GLRA3: variants seen among roughly 807,000 people sequenced by gnomAD.
The protein encoded by GLRA3 is glycine receptor alpha 3.
A neutral mutation model predicts 60.4 loss-of-function variants in GLRA3; 44 were observed. That is an observed-to-expected ratio of 0.73 (90% CI 0.57 to 0.94). GLRA3 has a LOEUF of 0.94. Ranked by LOEUF, GLRA3 falls within the 40% of genes least tolerant of loss-of-function variation. The pLI, the probability that GLRA3 is intolerant of heterozygous loss-of-function variation, is 0.00. For synonymous variants in GLRA3, 223 were observed against 192.9 expected, an observed-to-expected ratio of 1.16 and a Z score of -1.29; for missense variants, 508 against 564.6, an observed-to-expected ratio of 0.90 and a Z score of 1.02.
intron 3 of GLRA3, among the ~76,000 whole-genome samples, chr4:174,730,831 T>C (rs1736520935): frequency 6.6e-6 from 1 of 152,178 alleles, no homozygotes; most frequent in Admixed American, 6.5e-5. Flanking sequence ...TCTTAATACA[T>C]TTAGTTTAGG....
chr4:174,801,337 A>G (rs970364804), intron 1 of GLRA3, among the ~76,000 whole-genome samples: 9 of 152,084 alleles, frequency 5.9e-5, no homozygotes, highest in Non-Finnish European at 8.8e-5. Context: ...AGTTTCAGAC[A>G]TAGTATAGAT....
rs1256854406 is a variant in GLRA3, at chr4:174,656,746, A to G, written c.1113T>C (p.Asp371=). 6.4e-7 allele frequency: 1 copy of G among 1,552,068 alleles called. No homozygotes were observed. Among genetic ancestry groups the G allele is most frequent in the Non-Finnish European group, 8.9e-7 (1 of 1,123,834 alleles). ...AGAGTTAAGAAAGTCAATTTACCAT[A>G]TCTGAGAAACGGTAAAACTTCTCCA... ...FALEKFYRFS[D]MDDEVRESRF... The change falls in exon 9 of 10, where the codon GAT becomes GAC. Residue 371 remains aspartate, a synonymous_variant. Coordinates refer to ENST00000274093, the MANE Select transcript of GLRA3 (RefSeq NM_006529.4).
chr4:174,647,139 G>A (rs1166759637), intron 9 of GLRA3, among the ~76,000 whole-genome samples: 1 of 152,186 alleles, frequency 6.6e-6, no homozygotes, highest in African/African-American at 2.4e-5. Flanking sequence ...GGGGGCGGAG[G>A]CTCACGCCCA....
chr4:174,825,449 T>C (rs1400760417), intron 1 of GLRA3, among the ~76,000 whole-genome samples: 3 of 152,122 alleles, frequency 2.0e-5, no homozygotes, highest in Non-Finnish European at 4.4e-5. Context: ...TGACACGATG[T>C]GCCCTAATTT....
rs139046416 is a variant in GLRA3, at chr4:174,739,651, T to C, written c.268-10953A>G. On this transcript the variant is annotated intron_variant, in intron 3 of 9. Transcript: ENST00000274093. Reference sequence around the variant, plus strand: ...GAGAATTAGACTAGTAGAAGCACCATTGGCTTCATTTGAAATGGGCAGGGA... The same window carrying C: ...GAGAATTAGACTAGTAGAAGCACCACTGGCTTCATTTGAAATGGGCAGGGA... Among the ~76,000 whole-genome samples, 71 of 152,302 alleles carry C rather than the reference T, an allele frequency of 4.7e-4. 1 individual carries two copies. In the East Asian group the frequency reaches 0.013, roughly 27 times the overall value.
chr4:174,671,243 T>C (rs1733894144), intron 7 of GLRA3, among the ~76,000 whole-genome samples: 1 of 152,162 alleles, frequency 6.6e-6, no homozygotes, highest in South Asian at 2.1e-4. Flanking sequence ...TAAAATGTTA[T>C]GTTTAAATGG....
At chr4:174,788,590 T>TAAAAAAAAAAAAAAAAAA (rs35640897) in intron 2 of GLRA3, among the ~76,000 whole-genome samples, 1 of 87,864 alleles carries the variant, frequency 1.1e-5, no homozygotes, top group African/African-American at 4.3e-5. Context: ...GTTAGAGAAG[T>TAAAAAAAAAAAAAAAAAA]AAAAAAAAAA....
At chr4:174,819,479 A>G (rs1272559709) in intron 1 of GLRA3, among the ~76,000 whole-genome samples, 3 of 152,150 alleles carry the variant, frequency 2.0e-5, no homozygotes, top group Non-Finnish European at 4.4e-5. Context: ...TTTCCTGACC[A>G]TTCAAATTCC....
chr4:174,822,476 A>AT (rs1257260852), intron 1 of GLRA3, among the ~76,000 whole-genome samples: 3 of 152,170 alleles, frequency 2.0e-5, no homozygotes, highest in African/African-American at 7.2e-5. Context: ...AGGACATTTT[A>AT]TTTTTTACTA....
chr4:174,737,544 C>CAG (rs1561087086), intron 3 of GLRA3, among the ~76,000 whole-genome samples: 2 of 151,946 alleles, frequency 1.3e-5, no homozygotes, highest in Non-Finnish European at 2.9e-5. Flanking sequence ...GAGACAGTCT[C>CAG]TCTCTGTCGC....
chr4:174,692,220 TG>T (rs1400505775), intron 5 of GLRA3, among the ~76,000 whole-genome samples: 2 of 146,022 alleles, frequency 1.4e-5, no homozygotes, highest in Non-Finnish European at 3.0e-5. Context: ...GGGAGGGAGG[TG>T]GGGGTCAGCC....
chr4:174,682,746 T>G, intron 6 of GLRA3, 56 bp downstream of exon 6: 1 of 1,288,626 alleles, frequency 7.8e-7, no homozygotes, highest in South Asian at 1.3e-5. Flanking sequence ...TGAAGAAACA[T>G]CTGGATATCA....
chr4:174,724,062 G>GTA (rs1488054996), intron 4 of GLRA3, among the ~76,000 whole-genome samples: 1 of 118,578 alleles, frequency 8.4e-6, no homozygotes, highest in African/African-American at 3.0e-5. Flanking sequence ...GTGTGTGTGT[G>GTA]TATATATATA....
At chr4:174,733,758 T>G (rs1357586898) in intron 3 of GLRA3, among the ~76,000 whole-genome samples, 1 of 152,208 alleles carries the variant, frequency 6.6e-6, no homozygotes, top group Non-Finnish European at 1.5e-5. Context: ...ACCACCATGA[T>G]GTCTTTCCCA....
At chr4:174,801,299 G>T (rs72708268) in intron 1 of GLRA3, among the ~76,000 whole-genome samples, 19,080 of 151,928 alleles carry the variant, frequency 0.13, 1,276 homozygotes, top group South Asian at 0.17. Flanking sequence ...CTAATGACAC[G>T]TCCCTTGGTG....
In GLRA3 at chr4:174,810,928, T is replaced by A. The variant is rs533605571; in HGVS notation, c.71+17813A>T. Among the ~76,000 whole-genome samples the A allele has an allele frequency of 2.6e-5, 4 of 152,328 alleles. No homozygotes were observed. In the South Asian group the frequency reaches 8.3e-4, roughly 32 times the overall value. On this transcript the variant is annotated intron_variant, in intron 1 of 9. Coordinates refer to ENST00000274093, the MANE Select transcript of GLRA3 (RefSeq NM_006529.4). ...ATCTCAAGCTATAAAATGTTTCTCA[T>A]AGGTATTGTTGCTCCTAGCTTCCTT...
chr4:174,691,033 C>T (rs1734774027), intron 5 of GLRA3, among the ~76,000 whole-genome samples: 1 of 152,196 alleles, frequency 6.6e-6, no homozygotes, highest in South Asian at 2.1e-4. Flanking sequence ...GGTATATATC[C>T]AGTAATAGAA....
intron 4 of GLRA3, among the ~76,000 whole-genome samples, chr4:174,723,561 C>G (rs1048048581): frequency 6.6e-6 from 1 of 151,996 alleles, no homozygotes; most frequent in African/African-American, 2.4e-5. Flanking sequence ...AATAAATAAT[C>G]TAGATATTCT....
rs1173183841 is a variant in GLRA3 at position 174,640,880 on chromosome 4, T to C, written c.*2906A>G. The C allele has an allele frequency of 1.3e-5, 2 of 152,056 alleles. No homozygotes were observed. Among genetic ancestry groups the C allele is most frequent in the Admixed American group, 6.6e-5 (1 of 15,234 alleles). 9.4% of individuals were successfully genotyped at this position (152,056 alleles called of 1,614,324 possible). A position where few individuals can be genotyped will look rare whatever the true frequency, so the allele number is the denominator to read the frequency against. The stretch of plus-strand genomic sequence containing the variant: ...GAGTTGGATGGGGTCTCCAGCGCCA[T>C]GGAGAAACTTTTGGAAGGGTTGGAG... On this transcript the variant is annotated 3_prime_UTR_variant, in exon 10 of 10. Transcript: ENST00000274093.
Sources: allele counts gnomAD v4.1 joint callset (sites outside exome capture counted in the v4.1 genomes callset), GRCh38; gene constraint gnomAD v4.1.1; transcripts MANE v1.5; gene names NCBI Gene and HGNC (gene_info 2026-07-23, HGNC 2026-07-21).